The following CCDC85C variants were observed in gnomAD, a reference collection of about 807,000 sequenced individuals.
The protein encoded by CCDC85C is coiled-coil domain containing 85C.
CCDC85C carries 18 observed loss-of-function variants against 38.3 expected under a neutral mutation model. The observed-to-expected ratio is 0.47, with a 90% confidence interval of 0.33 to 0.70. CCDC85C has a LOEUF of 0.70. Among genes scored for constraint, CCDC85C ranks in the 30% least tolerant of loss-of-function variants. The pLI, the probability that CCDC85C is intolerant of heterozygous loss-of-function variation, is 0.03. For synonymous variants in CCDC85C, 264 were observed against 293.8 expected (o/e 0.90, Z 1.04); for missense variants, 566 against 621.2 (o/e 0.91, Z 0.94).
In CCDC85C at chr14:99,501,625, G is replaced by T; in HGVS notation, c.*13621C>A. The T allele has an allele frequency of 1.9e-6, 1 of 528,314 alleles. No homozygotes were observed. The highest frequency in any genetic ancestry group is 3.3e-6 in the Non-Finnish European group (1 of 301,098). 32.7% of individuals were successfully genotyped at this position (528,314 alleles called of 1,614,324 possible). On this transcript the variant is annotated 3_prime_UTR_variant, in exon 6 of 6. Coordinates refer to ENST00000380243, the MANE Select transcript of CCDC85C (RefSeq NM_001144995.2). Reference sequence around the variant, plus strand: ...GCCCTGCCGTGTCATGGTGTTGTGAGGTGCTGAAATTTTATCACCAGTCTG... The same window carrying T: ...GCCCTGCCGTGTCATGGTGTTGTGATGTGCTGAAATTTTATCACCAGTCTG...
intron 1 of CCDC85C, among the ~76,000 whole-genome samples, chr14:99,570,842 C>G (rs911484795): frequency 7.4e-6 from 1 of 134,304 alleles, no homozygotes; most frequent in Non-Finnish European, 1.6e-5. Flanking sequence ...AGGGCAGAGC[C>G]GCCCCGCTGG....
In CCDC85C at chr14:99,535,908, A is replaced by G; in HGVS notation, c.867+107T>C. ...GGAGGTGACAGGTGGCAGTGGGAGC[A>G]GTTGGGGGGACAGCCTAGGTCCCAA... is the stretch of plus-strand genomic sequence containing the variant. On this transcript the variant is annotated intron_variant, in intron 2 of 5. Coordinates refer to ENST00000380243, the MANE Select transcript of CCDC85C (RefSeq NM_001144995.2). This position sits in a 1 kb window ranked among gnomAD's most constrained non-coding sequence, Gnocchi z 5.5. 2 of 793,472 alleles carry G rather than the reference A, an allele frequency of 2.5e-6. No homozygotes were observed. The highest frequency in any genetic ancestry group is 2.1e-5 in the Admixed American group (1 of 48,022). The allele number at this position is 793,472 out of a possible 1,614,324, so 49.2% of individuals were successfully genotyped here.
Position 99,603,283 on chromosome 14 carries a change from G to A in CCDC85C, c.677C>T (p.Pro226Leu). The change falls in exon 1 of 6, where the codon CCG (proline) becomes CTG (leucine). Residue 226 changes from proline to leucine, a missense_variant. Physicochemically the swap from Pro to Leu is moderately conservative, Grantham distance 98. Around this residue, in one of 3 missense-constraint regions of CCDC85C, gnomAD observed 286 missense variants for 276.4 expected, o/e 1.03. Coordinates refer to ENST00000380243, the MANE Select transcript of CCDC85C (RefSeq NM_001144995.2). The surrounding 1 kb of genome is among the most constrained non-coding windows in gnomAD (Gnocchi z 7.5). ...SPDHHHHVPP[P>L]LLPPGPHKAP... The stretch of plus-strand genomic sequence containing the variant: ...CTTGTGCGGCCCGGGGGGCAGCAGC[G>A]GGGGTGGGACGTGGTGGTGGTGGTC... 7.2e-7 allele frequency: 1 copy of A among 1,379,816 alleles called. No homozygotes were observed. Among genetic ancestry groups the A allele is most frequent in the Non-Finnish European group, 9.3e-7 (1 of 1,072,002 alleles). 85.5% of individuals were successfully genotyped at this position (1,379,816 alleles called of 1,614,324 possible). A position where few individuals can be genotyped will look rare whatever the true frequency, so the allele number is the denominator to read the frequency against.
intron 3 of CCDC85C, among the ~76,000 whole-genome samples, chr14:99,517,679 A>G (rs1279619308): frequency 6.6e-6 from 1 of 151,948 alleles, no homozygotes; most frequent in Non-Finnish European, 1.5e-5. Context: ...CCCAGCTGCC[A>G]CCTCCCAGCC....
At position 99,505,434 on chromosome 14, in the gene CCDC85C, C is replaced by G. The variant is rs950407039; in HGVS notation, c.*9812G>C. On this transcript the variant is annotated 3_prime_UTR_variant, in exon 6 of 6. Transcript: ENST00000380243. Reference sequence around the variant, plus strand: ...CACAGAGATTTCCAAGAAAGGAGAACGTAAGACATCTCATTAGTAAAGCTT... The same window carrying G: ...CACAGAGATTTCCAAGAAAGGAGAAGGTAAGACATCTCATTAGTAAAGCTT... The G allele has an allele frequency of 6.6e-6, 1 of 152,162 alleles. No individual in the cohort carries two copies. The highest frequency in any genetic ancestry group is 1.5e-5 in the Non-Finnish European group (1 of 68,024). The allele number at this position is 152,162 out of a possible 1,614,324, so 9.4% of individuals were successfully genotyped here.
Position 99,515,057 on chromosome 14 carries a change from C to T in CCDC85C, c.*189G>A, listed in dbSNP as rs1897199465. On this transcript the variant is annotated 3_prime_UTR_variant, in exon 6 of 6. Coordinates refer to ENST00000380243, the MANE Select transcript of CCDC85C (RefSeq NM_001144995.2). ...CTTCCCAGGTTGCTGGTGTATGAGG[C>T]GGGAGATGGCGGCTTGGGCCAGTGC... is the stretch of plus-strand genomic sequence containing the variant. 1 of 539,454 alleles carries T rather than the reference C, an allele frequency of 1.9e-6. No homozygotes were observed. 33.4% of individuals were successfully genotyped at this position (539,454 alleles called of 1,614,324 possible).
intron 1 of CCDC85C, among the ~76,000 whole-genome samples, chr14:99,578,921 G>A (rs2054934134): frequency 6.6e-6 from 1 of 152,188 alleles, no homozygotes; most frequent in African/African-American, 2.4e-5. Flanking sequence ...CCCTGCTGGT[G>A]TTGACACACT....
intron 1 of CCDC85C, among the ~76,000 whole-genome samples, chr14:99,594,239 G>A (rs1016942761): frequency 7.9e-5 from 12 of 152,198 alleles, no homozygotes; most frequent in African/African-American, 1.9e-4. Flanking sequence ...CTCGAGTCCA[G>A]GAACATGCAG....
At chr14:99,573,751 T>C (rs761735749) in intron 1 of CCDC85C, among the ~76,000 whole-genome samples, 98 of 152,300 alleles carry the variant, frequency 6.4e-4, no homozygotes, top group Non-Finnish European at 9.6e-4. Flanking sequence ...GCAGAGGTGC[T>C]GCCTTTGGGT....
At chr14:99,518,587 C>T (rs991834804) in intron 3 of CCDC85C, among the ~76,000 whole-genome samples, 38 of 151,790 alleles carry the variant, frequency 2.5e-4, no homozygotes, top group African/African-American at 9.0e-4. Flanking sequence ...ACTCCCCGCG[C>T]CAGACAGCAG....
intron 1 of CCDC85C, among the ~76,000 whole-genome samples, chr14:99,594,631 G>T (rs1743162135): frequency 6.6e-6 from 1 of 152,204 alleles, no homozygotes. Context: ...GGATGGGCAG[G>T]GGAGGCCACC....
intron 1 of CCDC85C, among the ~76,000 whole-genome samples, chr14:99,556,388 T>C (rs1024623216): frequency 2.0e-5 from 3 of 152,232 alleles, no homozygotes; most frequent in African/African-American, 7.2e-5. Context: ...CACTCCAGCC[T>C]GAGTCACAGA....
At chr14:99,580,416 C>G (rs956208841) in intron 1 of CCDC85C, among the ~76,000 whole-genome samples, 2 of 137,864 alleles carry the variant, frequency 1.5e-5, no homozygotes, top group African/African-American at 5.4e-5. Context: ...GAAAAGCAAG[C>G]AGAGGGCGGC....
Position 99,507,030 on chromosome 14 carries a change from A to G in CCDC85C, c.*8216T>C. 1 of 1,105,792 alleles carries G rather than the reference A, an allele frequency of 9.0e-7. No individual in the cohort carries two copies. Among genetic ancestry groups the G allele is most frequent in the East Asian group, 2.3e-5 (1 of 42,606 alleles). 68.5% of individuals were successfully genotyped at this position (1,105,792 alleles called of 1,614,324 possible). On this transcript the variant is annotated 3_prime_UTR_variant, in exon 6 of 6. Transcript: ENST00000380243. ...ATTTTTCTTTATGACATGCTTATTCATGTGAAGAAGTATGAGTGGTTTTCT... is the reference window on the plus strand; with the variant it reads ...ATTTTTCTTTATGACATGCTTATTCGTGTGAAGAAGTATGAGTGGTTTTCT...
In CCDC85C at chr14:99,535,885, A is replaced by C. The variant is rs1182457033; in HGVS notation, c.867+130T>G. ...TAGGTCCCTGACCCCACTTTCCAGG[A>C]GGTGACAGGTGGCAGTGGGAGCAGT... On this transcript the variant is annotated intron_variant, in intron 2 of 5. Transcript: ENST00000380243. This position sits in a 1 kb window ranked among gnomAD's most constrained non-coding sequence, Gnocchi z 5.5. 1.4e-6 allele frequency: 1 copy of C among 691,794 alleles called. No individual in the cohort carries two copies. Among genetic ancestry groups the C allele is most frequent in the Non-Finnish European group, 2.5e-6 (1 of 393,166 alleles). 42.9% of individuals were successfully genotyped at this position (691,794 alleles called of 1,614,324 possible). A position where few individuals can be genotyped will look rare whatever the true frequency, so the allele number is the denominator to read the frequency against.
intron 1 of CCDC85C, among the ~76,000 whole-genome samples, chr14:99,543,358 G>A (rs1284872862): frequency 6.6e-6 from 1 of 152,178 alleles, no homozygotes; most frequent in African/African-American, 2.4e-5. Context: ...GACCAGCGGG[G>A]GTCGGCGGGC....
Position 99,603,710 on chromosome 14 carries a change from G to A in CCDC85C, c.250C>T (p.Leu84=), listed in dbSNP as rs1302544802. 5 of 1,516,926 alleles carry A rather than the reference G, an allele frequency of 3.3e-6. No individual in the cohort carries two copies. The highest frequency in any genetic ancestry group is 3.5e-6 in the Non-Finnish European group (4 of 1,137,674). 94.0% of individuals were successfully genotyped at this position (1,516,926 alleles called of 1,614,324 possible). ...TCGAGGAAGCAGCAGAGCTCGCGCAGCTCCTGGTTGTCGTCCTGCAGCCGC... is the reference window on the plus strand; with the variant it reads ...TCGAGGAAGCAGCAGAGCTCGCGCAACTCCTGGTTGTCGTCCTGCAGCCGC... The part of the protein sequence containing the change: ...NQRLQDDNQE[L]RELCCFLDDD... Residue 84 remains leucine, a synonymous_variant, in exon 1 of 6, where the codon CTG becomes TTG. Coordinates refer to ENST00000380243, the MANE Select transcript of CCDC85C (RefSeq NM_001144995.2). This position sits in a 1 kb window ranked among gnomAD's most constrained non-coding sequence, Gnocchi z 7.5.
At position 99,520,102 on chromosome 14, in the gene CCDC85C, G is replaced by C. The variant is rs1897281800; in HGVS notation, c.975+2031C>G. 6.6e-6 allele frequency among the ~76,000 whole-genome samples: 1 copy of C among 152,196 alleles called. No individual in the cohort carries two copies. The highest frequency in any genetic ancestry group is 1.5e-5 in the Non-Finnish European group (1 of 68,020). On this transcript the variant is annotated intron_variant, in intron 3 of 5. Coordinates refer to ENST00000380243, the MANE Select transcript of CCDC85C (RefSeq NM_001144995.2). This position sits in a 1 kb window ranked among gnomAD's most constrained non-coding sequence, Gnocchi z 4.1. The stretch of plus-strand genomic sequence containing the variant: ...ATGGGCAGCAGTGGGCAGGGAGGGG[G>C]TGTCCACCCCAGAGAGTCACCTGCT...
chr14:99,595,399 A>C (rs2055132573), intron 1 of CCDC85C, among the ~76,000 whole-genome samples: 1 of 152,144 alleles, frequency 6.6e-6, no homozygotes, highest in Admixed American at 6.5e-5. Flanking sequence ...GGCGCGTGCC[A>C]CCACACCTGG....
Sources: allele counts gnomAD v4.1 joint callset (sites outside exome capture counted in the v4.1 genomes callset), GRCh38; gene constraint gnomAD v4.1.1; regional missense constraint gnomAD v4.1.1; non-coding constraint Gnocchi (gnomAD v3.1); transcripts MANE v1.5; gene names NCBI Gene and HGNC (gene_info 2026-07-23, HGNC 2026-07-21).